RNF213: variants seen among roughly 807,000 people sequenced by gnomAD.
The protein encoded by RNF213 is E3 ubiquitin-protein ligase RNF213.
In RNF213, 341 loss-of-function variants were observed where a neutral mutation model predicts 514.4. The ratio of observed to expected loss-of-function variants is 0.66; its 90% CI spans 0.61 to 0.73. The LOEUF (loss-of-function observed/expected upper bound fraction) is 0.73. Among genes scored for constraint, RNF213 ranks in the 30% least tolerant of loss-of-function variants. RNF213 has a pLI of 0.00. For synonymous variants in RNF213, 2,655 were observed against 2,658.2 expected (o/e 1.00, Z 0.04); for missense variants, 5,767 against 6,615.6 (o/e 0.87, Z 4.45).
chr17:80,310,953 T>C (rs999586074), intron 14 of RNF213, among the ~76,000 whole-genome samples: 1 of 152,216 alleles, frequency 6.6e-6, no homozygotes, highest in African/African-American at 2.4e-5. Context: ...TTTCTTGTGT[T>C]AAAGTACCAC....
chr17:80,317,916 T>C lies in RNF213; in HGVS notation c.2901+639T>C, dbSNP rs964330277. ...AAGAAGAATGGGGTCACCCGGACAC[T>C]TGAAGGATGGTGAAGGTGGAGAATT... is the stretch of plus-strand genomic sequence containing the variant. On this transcript the variant is annotated intron_variant, in intron 16 of 67. Transcript: ENST00000582970. The surrounding 1 kb of genome is among the most constrained non-coding windows in gnomAD (Gnocchi z 4.1). Among the ~76,000 whole-genome samples, 4 of 152,040 alleles carry C rather than the reference T, an allele frequency of 2.6e-5. No homozygotes were observed. Among genetic ancestry groups the C allele is most frequent in the Non-Finnish European group, 4.4e-5 (3 of 68,008 alleles).
intron 13 of RNF213, 123 bp from the exon 14 acceptor site, chr17:80,308,895 A>G: frequency 1.7e-6 from 2 of 1,194,562 alleles, no homozygotes; most frequent in Middle Eastern, 2.7e-4. Context: ...GTTAACCTAG[A>G]TAAGGTCAAA....
intron 2 of RNF213, among the ~76,000 whole-genome samples, chr17:80,272,787 G>C (rs1034889038): frequency 6.6e-6 from 1 of 152,182 alleles, no homozygotes; most frequent in African/African-American, 2.4e-5. Flanking sequence ...GCAGCTGGGC[G>C]GGCAGATGCC....
intron 46 of RNF213, 87 bp downstream of exon 46, chr17:80,369,954 A>G: frequency 4.4e-6 from 4 of 909,154 alleles, no homozygotes; most frequent in Non-Finnish European, 7.3e-6. Flanking sequence ...TCTTGTCGTG[A>G]CTAGTAGCTA....
intron 36 of RNF213, among the ~76,000 whole-genome samples, chr17:80,356,604 C>T (rs886955324): frequency 2.6e-5 from 4 of 152,240 alleles, no homozygotes; most frequent in African/African-American, 4.8e-5. Context: ...CTTTGTGTCC[C>T]GAACTCTGCC....
intron 2 of RNF213, among the ~76,000 whole-genome samples, chr17:80,271,395 G>C (rs1346524946): frequency 6.6e-6 from 1 of 152,242 alleles, no homozygotes; most frequent in Non-Finnish European, 1.5e-5. Flanking sequence ...CTGCCCTCCA[G>C]ATCTCAGAGG....
At chr17:80,309,701 G>A (rs1011304014) in intron 14 of RNF213, among the ~76,000 whole-genome samples, 4 of 152,106 alleles carry the variant, frequency 2.6e-5, no homozygotes, top group South Asian at 2.1e-4. Context: ...CGGCTCCTCC[G>A]TCCCAAAGAA....
In RNF213 at chr17:80,339,958, T is replaced by C. The variant is rs1225224650; in HGVS notation, c.5591T>C (p.Leu1864Pro). 1.3e-6 allele frequency: 2 copies of C among 1,537,018 alleles called. No individual in the cohort carries two copies. The highest frequency in any genetic ancestry group is 1.7e-4 in the Middle Eastern group (1 of 5,990). Reference sequence around the variant, plus strand: ...CTGCCCACTTACGATGAGGTGCTGCTCTGCACCCCGGCAACCACCTTTGAG... The same window carrying C: ...CTGCCCACTTACGATGAGGTGCTGCCCTGCACCCCGGCAACCACCTTTGAG... ...QPLPTYDEVL[L>P]CTPATTFEEV... Residue 1864 changes from leucine (L) to proline (P), a missense_variant, in exon 26 of 68, where the codon CTC becomes CCC. By Grantham distance (98) the Leu-to-Pro change is moderately conservative. Coordinates refer to ENST00000582970, the MANE Select transcript of RNF213 (RefSeq NM_001256071.3).
At chr17:80,277,074 C>A (rs11869583) in intron 3 of RNF213, among the ~76,000 whole-genome samples, 63,842 of 145,556 alleles carry the variant, frequency 0.44, 13,715 homozygotes, top group East Asian at 0.52. Flanking sequence ...GCAAACAAAC[C>A]AAAAAAAAAA....
intron 6 of RNF213, 111 bp from the exon 7 acceptor site, chr17:80,290,445 GTGTGTGCGAGTGCA>G: frequency 8.7e-7 from 1 of 1,144,576 alleles, no homozygotes; most frequent in Non-Finnish European, 1.3e-6. Context: ...GTGTGCATGT[GTGTGTGCGAGTGCA>G]TGTGTGTGTG....
At chr17:80,358,665 C>T (rs1401671839) in intron 37 of RNF213, among the ~76,000 whole-genome samples, 186 bp downstream of exon 37, 2 of 152,192 alleles carry the variant, frequency 1.3e-5, no homozygotes, top group East Asian at 1.9e-4. Flanking sequence ...AATCCCAGCA[C>T]TTTGGGAGGC....
intron 46 of RNF213, among the ~76,000 whole-genome samples, chr17:80,371,261 C>T (rs1488967332): frequency 6.6e-6 from 1 of 152,242 alleles, no homozygotes; most frequent in Non-Finnish European, 1.5e-5. Flanking sequence ...ACTGTGGGCA[C>T]AGCATTAAGG....
At position 80,384,905 on chromosome 17, in the gene RNF213, G is replaced by A. The variant is rs538835062; in HGVS notation, c.14323-134G>A. 32 of 931,422 alleles carry A rather than the reference G, an allele frequency of 3.4e-5. No homozygotes were observed. The East Asian group carries it at 7.2e-4, about 21-fold the overall frequency. The allele number at this position is 931,422 out of a possible 1,614,324, so 57.7% of individuals were successfully genotyped here. A position where few individuals can be genotyped will look rare whatever the true frequency, so the allele number is the denominator to read the frequency against. On this transcript the variant is annotated intron_variant, in intron 59 of 67. Coordinates refer to ENST00000582970, the MANE Select transcript of RNF213 (RefSeq NM_001256071.3). Reference sequence around the variant, plus strand: ...AACTTTTCCCGTTTTCAAGCTCCACGCTGCATCACAGGAAATGACACTGAC... The same window carrying A: ...AACTTTTCCCGTTTTCAAGCTCCACACTGCATCACAGGAAATGACACTGAC...
At chr17:80,374,237 G>A (rs530892607) in intron 49 of RNF213, among the ~76,000 whole-genome samples, 12 of 152,326 alleles carry the variant, frequency 7.9e-5, no homozygotes, top group African/African-American at 2.2e-4. Context: ...TAGCGCTGCC[G>A]TCGGCAGGCA....
chr17:80,389,421 C>G (rs943175537), intron 65 of RNF213, 54 bp downstream of exon 65: 1 of 1,527,892 alleles, frequency 6.5e-7, no homozygotes, highest in South Asian at 1.1e-5. Context: ...TGGTCTCCTG[C>G]TTCCCGCGAG....
In RNF213 at chr17:80,388,431, GGTTGT is replaced by G; in HGVS notation, c.14923-177_14923-173del. 4 of 634,592 alleles carry G rather than the reference GGTTGT, an allele frequency of 6.3e-6. No individual in the cohort carries two copies. The Admixed American group carries it at 9.5e-5, about 15-fold the overall frequency. 39.3% of individuals were successfully genotyped at this position (634,592 alleles called of 1,614,324 possible). ...GCTGTGAGGACTCCGCTGGATTCCC[GGTTGT>G]GTTACTATTTCCATAGATGGTGGGT... On this transcript the variant is annotated intron_variant, in intron 63 of 67. Coordinates refer to ENST00000582970, the MANE Select transcript of RNF213 (RefSeq NM_001256071.3).
At chr17:80,364,742 C>A in intron 42 of RNF213, 189 bp downstream of exon 42, 1 of 659,788 alleles carries the variant, frequency 1.5e-6, no homozygotes. Context: ...AATTATTTAC[C>A]CTCTGCTGAT....
At position 80,332,480 on chromosome 17, in the gene RNF213, A is replaced by G. The variant is rs8074015; in HGVS notation, c.3992A>G (p.Asp1331Gly). The G allele has an allele frequency of 0.66, 1,016,757 of 1,536,804 alleles. 340,790 individuals are homozygous for G. Among genetic ancestry groups the G allele is most frequent in the African/African-American group, 0.73 (53,604 of 73,080 alleles). ...ATCATGTGCACCGTGGACCACCAGG[A>G]CCAAAGAGATTGGATCAAGGACCGA... ...LKIMCTVDHQDQRDWIKDRVE... is the reference protein window; with the variant it reads ...LKIMCTVDHQGQRDWIKDRVE... The change falls in exon 21 of 68, where the codon GAC (aspartate) becomes GGC (glycine). Residue 1331 changes from aspartate (D) to glycine (G), a missense_variant. By Grantham distance (94) the Asp-to-Gly change is moderately conservative. This residue lies in a region of RNF213 where 516 missense variants were observed against 566.5 expected (regional missense o/e 0.91). Transcript: ENST00000582970.
intron 39 of RNF213, among the ~76,000 whole-genome samples, 165 bp downstream of exon 39, chr17:80,362,053 T>G (rs986769223): frequency 6.6e-6 from 1 of 152,140 alleles, no homozygotes; most frequent in Non-Finnish European, 1.5e-5. Context: ...TCGCCCAGTC[T>G]CCTCTCAATA....
Sources: allele counts gnomAD v4.1 joint callset (sites outside exome capture counted in the v4.1 genomes callset), GRCh38; gene constraint gnomAD v4.1.1; regional missense constraint gnomAD v4.1.1; non-coding constraint Gnocchi (gnomAD v3.1); transcripts MANE v1.5; gene names NCBI Gene and HGNC (gene_info 2026-07-23, HGNC 2026-07-21).